The following EYS variants were observed in gnomAD, a reference collection of about 807,000 sequenced individuals.
EYS encodes protein eyes shut homolog.
EYS carries 250 observed loss-of-function variants against 282.1 expected under a neutral mutation model. The observed-to-expected ratio is 0.89, with a 90% CI of 0.80 to 0.98. The LOEUF is 0.98. EYS is among the 50% of genes least tolerant of loss of function. The pLI, the probability that EYS is intolerant of heterozygous loss-of-function variation, is 0.00. For synonymous variants in EYS, 1,355 were observed against 1,282.9 expected (o/e 1.06, Z -1.20); for missense variants, 4,016 against 3,709.0 (o/e 1.08, Z -2.15).
At chr6:63,802,557 G>T (rs1223651992) in intron 37 of EYS, among the ~76,000 whole-genome samples, 1 of 151,842 alleles carries the variant, frequency 6.6e-6, no homozygotes, top group Non-Finnish European at 1.5e-5. Context: ...ATTCAAGAAG[G>T]CCTGGGAACT....
chr6:64,103,103 T>C (rs1772888778), intron 31 of EYS, among the ~76,000 whole-genome samples: 1 of 152,150 alleles, frequency 6.6e-6, no homozygotes. Flanking sequence ...GTTTAAAGCC[T>C]GGATGATGAT....
At chr6:64,801,848 C>T (rs1265934103) in intron 22 of EYS, among the ~76,000 whole-genome samples, 1 of 151,696 alleles carries the variant, frequency 6.6e-6, no homozygotes, top group Non-Finnish European at 1.5e-5. Context: ...TGTACCATAC[C>T]CGTCTTAACT....
intron 33 of EYS, among the ~76,000 whole-genome samples, chr6:64,022,860 C>G (rs578260288): frequency 1.1e-4 from 17 of 152,342 alleles, no homozygotes; most frequent in African/African-American, 3.8e-4. Flanking sequence ...CCAACCTTCT[C>G]TTTGTTCTTT....
rs189926890 is a variant in EYS, at chr6:64,122,000, A to G, written c.6425-39998T>C. Among the ~76,000 whole-genome samples the G allele has an allele frequency of 7.2e-5, 11 of 152,212 alleles. No individual in the cohort carries two copies. The East Asian group carries it at 1.9e-3, about 27-fold the overall frequency. ...TTTCCATCTGTTTTGTTTTATTACT[A>G]TTAGCATTATATTTAGTAATGATAA... On this transcript the variant is annotated intron_variant, in intron 31 of 42. Coordinates refer to ENST00000503581, the MANE Select transcript of EYS (RefSeq NM_001142800.2).
intron 30 of EYS, among the ~76,000 whole-genome samples, chr6:64,258,424 GT>G (rs1446008590): frequency 6.6e-6 from 1 of 151,992 alleles, no homozygotes; most frequent in Non-Finnish European, 1.5e-5. Context: ...TTTCCATACT[GT>G]TTAATACAAA....
chr6:64,679,152 A>G (rs1353459274), intron 22 of EYS, among the ~76,000 whole-genome samples: 2 of 151,628 alleles, frequency 1.3e-5, no homozygotes, highest in African/African-American at 4.8e-5. Context: ...CATCTTGTAG[A>G]GATTTCCCTC....
chr6:63,893,637 G>C (rs1325413348), intron 35 of EYS, among the ~76,000 whole-genome samples: 6 of 152,114 alleles, frequency 3.9e-5, no homozygotes, highest in Non-Finnish European at 8.8e-5. Flanking sequence ...ATGACGGACT[G>C]ATGGGTGCAG....
At chr6:63,791,445 G>A (rs893420844) in intron 37 of EYS, among the ~76,000 whole-genome samples, 2 of 152,098 alleles carry the variant, frequency 1.3e-5, no homozygotes, top group Non-Finnish European at 2.9e-5. Context: ...GGGCGTGGTG[G>A]CGCATGCCTG....
chr6:64,985,623 A>G (rs565606619), intron 14 of EYS, among the ~76,000 whole-genome samples: 2 of 151,648 alleles, frequency 1.3e-5, no homozygotes, highest in Non-Finnish European at 3.0e-5. Context: ...CTGAAAAAAT[A>G]AATTTCTTTA....
chr6:64,880,442 G>A (rs911310171), intron 19 of EYS, among the ~76,000 whole-genome samples: 10 of 151,656 alleles, frequency 6.6e-5, no homozygotes, highest in African/African-American at 4.8e-5. Context: ...ATATCAGTTA[G>A]TAAGGAACTA....
chr6:64,794,954 G>C (rs1774308662), intron 22 of EYS, among the ~76,000 whole-genome samples: 1 of 152,092 alleles, frequency 6.6e-6, no homozygotes, highest in Non-Finnish European at 1.5e-5. Context: ...GACATTACCA[G>C]CCAGGTGCAG....
At chr6:64,434,628 G>C (rs915588447) in intron 28 of EYS, among the ~76,000 whole-genome samples, 1 of 151,910 alleles carries the variant, frequency 6.6e-6, no homozygotes, top group Non-Finnish European at 1.5e-5. Flanking sequence ...CAAACTTACA[G>C]ATTTTGGAGT....
intron 31 of EYS, among the ~76,000 whole-genome samples, chr6:64,114,874 C>T (rs76390632): frequency 0.042 from 6,455 of 152,176 alleles, 405 homozygotes; most frequent in African/African-American, 0.14. Flanking sequence ...TGCTTCCCCT[C>T]GCCCAACCCA....
chr6:64,805,346 A>G (rs1468945873), intron 22 of EYS, among the ~76,000 whole-genome samples: 1 of 151,980 alleles, frequency 6.6e-6, no homozygotes, highest in Admixed American at 6.6e-5. Context: ...TTGAATGCAT[A>G]GGCTTTTTCT....
intron 22 of EYS, among the ~76,000 whole-genome samples, chr6:64,639,098 T>C: frequency 1.1e-5 from 1 of 89,600 alleles, no homozygotes; most frequent in Non-Finnish European, 2.4e-5. Flanking sequence ...CCTTGACTTG[T>C]GAGAGACTGT....
intron 2 of EYS, among the ~76,000 whole-genome samples, chr6:65,587,883 G>A (rs1702970050): frequency 6.6e-6 from 1 of 151,896 alleles, no homozygotes; most frequent in Non-Finnish European, 1.5e-5. Flanking sequence ...AAAAGATGTG[G>A]ATGAAGTTCC....
At chr6:64,480,891 A>G (rs1337509) in intron 26 of EYS, among the ~76,000 whole-genome samples, 47,893 of 151,440 alleles carry the variant, frequency 0.32, 7,667 homozygotes, top group East Asian at 0.5. Context: ...CATTCAAGTT[A>G]TGTTGTAGTT....
chr6:65,248,115 C>T (rs933807329), intron 12 of EYS, among the ~76,000 whole-genome samples: 1 of 151,938 alleles, frequency 6.6e-6, no homozygotes, highest in African/African-American at 2.4e-5. Context: ...CTGGTTTTGG[C>T]TGCTCAATTT....
chr6:64,779,928 C>T (rs113484668), intron 22 of EYS, among the ~76,000 whole-genome samples: 5,687 of 152,212 alleles, frequency 0.037, 316 homozygotes, highest in African/African-American at 0.13. Flanking sequence ...TCTCCAAGGG[C>T]CACCATAAAT....
Sources: allele counts gnomAD v4.1 joint callset (sites outside exome capture counted in the v4.1 genomes callset), GRCh38; gene constraint gnomAD v4.1.1; transcripts MANE v1.5; gene names NCBI Gene and HGNC (gene_info 2026-07-23, HGNC 2026-07-21).